MINDY2: variants seen among roughly 807,000 people sequenced by gnomAD.
The protein encoded by MINDY2 is ubiquitin carboxyl-terminal hydrolase MINDY-2.
MINDY2 carries 52 observed loss-of-function variants against 68.2 expected under a neutral mutation model. The ratio of observed to expected loss-of-function variants is 0.76; its 90% confidence interval spans 0.61 to 0.96. The LOEUF is 0.96. Among genes scored for constraint, MINDY2 ranks in the 40% least tolerant of loss-of-function variants. The probability of loss-of-function intolerance (pLI) is 0.00; values close to 1 mark genes in which losing one functional copy is unlikely to be tolerated. For synonymous variants in MINDY2, 372 were observed against 303.0 expected, an observed-to-expected ratio of 1.23 and a Z score of -2.36; for missense variants, 881 against 773.4, an observed-to-expected ratio of 1.14 and a Z score of -1.65.
At chr15:58,786,346 T>G (rs184540791) in intron 1 of MINDY2, among the ~76,000 whole-genome samples, 1 of 152,238 alleles carries the variant, frequency 6.6e-6, no homozygotes, top group African/African-American at 2.4e-5. Context: ...ATCACTGATA[T>G]AGTAATTACT....
intron 4 of MINDY2, among the ~76,000 whole-genome samples, chr15:58,812,639 CACTTGGGCCCAGGAATTCAAGACT>C (rs1263399055): frequency 6.6e-6 from 1 of 152,092 alleles, no homozygotes; most frequent in Non-Finnish European, 1.5e-5. Flanking sequence ...GCAAGAGGAC[CACTTGGGCCCAGGAATTCAAGACT>C]AGCCTGGGCA....
chr15:58,778,335 T>C (rs1900905141), intron 1 of MINDY2, among the ~76,000 whole-genome samples: 1 of 152,152 alleles, frequency 6.6e-6, no homozygotes, highest in South Asian at 2.1e-4. Context: ...GGTAGGGAAT[T>C]CTTTTCCCAA....
chr15:58,772,368 C>T, intron 1 of MINDY2, 133 bp downstream of exon 1: 1 of 1,337,442 alleles, frequency 7.5e-7, no homozygotes, highest in Admixed American at 2.2e-5. Context: ...GAAATTCATT[C>T]CAAGACTTCC....
In MINDY2 at chr15:58,771,314, A is replaced by C. The variant is rs1354966592; in HGVS notation, c.-82A>C. 1 of 1,529,014 alleles carries C rather than the reference A, an allele frequency of 6.5e-7. No homozygotes were observed. The highest frequency in any genetic ancestry group is 8.8e-7 in the Non-Finnish European group (1 of 1,141,428). The allele number at this position is 1,529,014 out of a possible 1,614,324, so 94.7% of individuals were successfully genotyped here. A position where few individuals can be genotyped will look rare whatever the true frequency, so the allele number is the denominator to read the frequency against. ...GCCGCGCCAGGGCGCTGTTGCTGCCAATACAGCTGTCATGGCGTCCAAGGC... is the reference window on the plus strand; with the variant it reads ...GCCGCGCCAGGGCGCTGTTGCTGCCCATACAGCTGTCATGGCGTCCAAGGC... On this transcript the variant is annotated 5_prime_UTR_variant, in exon 1 of 9. Coordinates refer to ENST00000559228, the MANE Select transcript of MINDY2 (RefSeq NM_001040450.3).
chr15:58,836,002 C>T (rs1291707910), intron 6 of MINDY2, among the ~76,000 whole-genome samples: 2 of 152,036 alleles, frequency 1.3e-5, no homozygotes, highest in African/African-American at 4.8e-5. Context: ...CTCCGCCTCC[C>T]GGGTTCATGC....
intron 1 of MINDY2, among the ~76,000 whole-genome samples, chr15:58,783,307 G>A (rs2140908008): frequency 6.6e-6 from 1 of 152,200 alleles, no homozygotes; most frequent in East Asian, 1.9e-4. Context: ...AAGAGGTGTT[G>A]GAACTCAAAC....
At chr15:58,825,594 G>GTGTT (rs146822969) in intron 5 of MINDY2, among the ~76,000 whole-genome samples, 3,819 of 151,972 alleles carry the variant, frequency 0.025, 170 homozygotes, top group African/African-American at 0.085. Flanking sequence ...TGTTTGTGTG[G>GTGTT]TGTTTGTTTG....
chr15:58,805,380 A>G (rs1021010826), intron 3 of MINDY2, among the ~76,000 whole-genome samples: 1 of 152,332 alleles, frequency 6.6e-6, no homozygotes, highest in South Asian at 2.1e-4. Context: ...CAATATTCCC[A>G]TTTAAAACTC....
intron 3 of MINDY2, among the ~76,000 whole-genome samples, chr15:58,809,078 A>G (rs1220227816): frequency 6.6e-6 from 1 of 152,156 alleles, no homozygotes; most frequent in Non-Finnish European, 1.5e-5. Context: ...TGGGCATGTT[A>G]GCATATACCT....
chr15:58,829,887 A>G (rs1369450886), intron 5 of MINDY2, among the ~76,000 whole-genome samples: 1 of 152,216 alleles, frequency 6.6e-6, no homozygotes, highest in Non-Finnish European at 1.5e-5. Flanking sequence ...GAGGGAGTGG[A>G]ATAAACCTAT....
In MINDY2 at chr15:58,854,153, A is replaced by T. The variant is rs1251801374; in HGVS notation, c.1738-329A>T. Among the ~76,000 whole-genome samples, 6 of 152,088 alleles carry T rather than the reference A, an allele frequency of 3.9e-5. No individual in the cohort carries two copies. In the East Asian group the frequency reaches 1.2e-3, roughly 29 times the overall value. Reference sequence around the variant, plus strand: ...TAGCTACTTGGGAGGCTGAGGCAGCAGAATCTCTTGAACCCAGGAAGTGGA... The same window carrying T: ...TAGCTACTTGGGAGGCTGAGGCAGCTGAATCTCTTGAACCCAGGAAGTGGA... On this transcript the variant is annotated intron_variant, in intron 8 of 8. Coordinates refer to ENST00000559228, the MANE Select transcript of MINDY2 (RefSeq NM_001040450.3).
At chr15:58,819,378 G>A (rs2030911904) in intron 4 of MINDY2, among the ~76,000 whole-genome samples, 1 of 152,134 alleles carries the variant, frequency 6.6e-6, no homozygotes, top group South Asian at 2.1e-4. Flanking sequence ...AGCCTGGGAG[G>A]TCGAGGCTGC....
Position 58,814,467 on chromosome 15 carries a change from A to C in MINDY2, c.1122+4079A>C, listed in dbSNP as rs577579877. On this transcript the variant is annotated intron_variant, in intron 4 of 8. Coordinates refer to ENST00000559228, the MANE Select transcript of MINDY2 (RefSeq NM_001040450.3). ...AGTGGCATGATCATAGCTCACTGCA[A>C]CCTCAAACTCCTGAGCTCATGTGAT... Among the ~76,000 whole-genome samples the C allele has an allele frequency of 4.0e-4, 61 of 151,684 alleles. 1 individual carries two copies. Among genetic ancestry groups the C allele is most frequent in the African/African-American group, 1.4e-3 (59 of 41,374 alleles).
intron 4 of MINDY2, among the ~76,000 whole-genome samples, chr15:58,819,933 C>T (rs940394454): frequency 6.6e-6 from 1 of 152,092 alleles, no homozygotes; most frequent in African/African-American, 2.4e-5. Flanking sequence ...AAAAGATTGA[C>T]CATTGAATAC....
chr15:58,817,177 A>T (rs2030743085), intron 4 of MINDY2, among the ~76,000 whole-genome samples: 1 of 152,226 alleles, frequency 6.6e-6, no homozygotes, highest in Admixed American at 6.5e-5. Flanking sequence ...ATGTAAAAGC[A>T]AGCCACAGAG....
intron 6 of MINDY2, among the ~76,000 whole-genome samples, chr15:58,841,038 G>C (rs1159416584): frequency 1.3e-5 from 2 of 150,408 alleles, no homozygotes; most frequent in Non-Finnish European, 2.9e-5. Context: ...CTAGAGTGCA[G>C]TGGCATGATC....
rs192943590 is a variant in MINDY2, at chr15:58,798,874, T to C, written c.899-3439T>C. On this transcript the variant is annotated intron_variant, in intron 2 of 8. Coordinates refer to ENST00000559228, the MANE Select transcript of MINDY2 (RefSeq NM_001040450.3). ...CGAAAATGTCAGCATGGGATTTTTC[T>C]TGGAAAGAGTAATAAAAAGTTAACA... Among the ~76,000 whole-genome samples, 40 of 152,332 alleles carry C rather than the reference T, an allele frequency of 2.6e-4. No individual in the cohort carries two copies. The East Asian group carries it at 6.2e-3, about 23-fold the overall frequency.
chr15:58,804,990 A>G (rs565119643), intron 3 of MINDY2, among the ~76,000 whole-genome samples: 50 of 152,230 alleles, frequency 3.3e-4, no homozygotes, highest in African/African-American at 1.2e-3. Flanking sequence ...AAGAAAAATA[A>G]AAATGCTTGC....
intron 6 of MINDY2, among the ~76,000 whole-genome samples, chr15:58,837,619 A>G (rs2032059388): frequency 2.0e-5 from 3 of 151,788 alleles, no homozygotes; most frequent in Non-Finnish European, 2.9e-5. Flanking sequence ...ATATCTTCCT[A>G]CTGCCTTCTA....
Sources: gnomAD v4.1 joint callset for allele counts (sites outside exome capture counted in the v4.1 genomes callset) on GRCh38, gnomAD v4.1.1 for gene constraint, MANE v1.5 for transcripts, NCBI Gene and HGNC (gene_info 2026-07-23, HGNC 2026-07-21) for gene names.